ARPP21: variants seen among roughly 807,000 people sequenced by gnomAD.
The protein encoded by ARPP21 is cAMP-regulated phosphoprotein 21.
ARPP21 carries 69 observed loss-of-function variants against 113.2 expected under a neutral mutation model. The observed-to-expected ratio is 0.61, with a 90% CI of 0.50 to 0.74. The LOEUF (loss-of-function observed/expected upper bound fraction) is 0.74, where lower values mean the gene tolerates loss of function less well. Among genes scored for constraint, ARPP21 ranks in the 30% least tolerant of loss-of-function variants. ARPP21 has a pLI of 0.00. For missense variants in ARPP21, 1,070 were observed against 1,037.4 expected (o/e 1.03, Z -0.43); for synonymous variants, 368 against 375.5 (o/e 0.98, Z 0.23).
At chr3:35,789,675 C>T (rs1372073067) in intron 19 of ARPP21, among the ~76,000 whole-genome samples, 1 of 152,280 alleles carries the variant, frequency 6.6e-6, no homozygotes, top group East Asian at 1.9e-4. Context: ...GAAGGAGATG[C>T]TGTGGCAGGG....
At chr3:35,690,411 C>A (rs999989218) in intron 8 of ARPP21, among the ~76,000 whole-genome samples, 1 of 151,404 alleles carries the variant, frequency 6.6e-6, no homozygotes, top group Non-Finnish European at 1.5e-5. Flanking sequence ...CAAGAAGAGA[C>A]CCTTTTCATT....
At chr3:35,785,117 G>A (rs2096602059) in intron 19 of ARPP21, 1 of 152,124 alleles carries the variant, frequency 6.6e-6, no homozygotes, top group South Asian at 2.1e-4. Flanking sequence ...TTTTGACTTT[G>A]CCCCAAGCTT....
chr3:35,677,938 G>T (rs894136182), intron 1 of ARPP21, among the ~76,000 whole-genome samples: 3 of 151,940 alleles, frequency 2.0e-5, no homozygotes, highest in Admixed American at 6.6e-5. Flanking sequence ...GTTCCTCTCT[G>T]CTCATTCCCA....
At chr3:35,666,579 T>C (rs2074416924) in intron 1 of ARPP21, among the ~76,000 whole-genome samples, 1 of 152,178 alleles carries the variant, frequency 6.6e-6, no homozygotes, top group African/African-American at 2.4e-5. Context: ...AGTTTGTCTT[T>C]GACATTAATT....
chr3:35,700,616 C>T (rs1230703915), intron 9 of ARPP21, among the ~76,000 whole-genome samples: 2 of 151,554 alleles, frequency 1.3e-5, no homozygotes, highest in Non-Finnish European at 3.0e-5. Context: ...AATTAGTACC[C>T]TGGAGCTGAA....
intron 19 of ARPP21, among the ~76,000 whole-genome samples, chr3:35,788,515 T>C (rs2096677641): frequency 6.6e-6 from 1 of 152,194 alleles, no homozygotes; most frequent in African/African-American, 2.4e-5. Context: ...TGAAGAAATG[T>C]GCTTGGTATA....
At chr3:35,654,847 G>T (rs972055858) in intron 1 of ARPP21, among the ~76,000 whole-genome samples, 1 of 151,962 alleles carries the variant, frequency 6.6e-6, no homozygotes, top group African/African-American at 2.4e-5. Context: ...ATTTGTCAAA[G>T]GTAGTGACTT....
intron 1 of ARPP21, among the ~76,000 whole-genome samples, chr3:35,657,234 C>T (rs1705411136): frequency 6.6e-6 from 1 of 152,108 alleles, no homozygotes; most frequent in African/African-American, 2.4e-5. Flanking sequence ...TTACCTCCCA[C>T]ATATATGTAC....
intron 1 of ARPP21, among the ~76,000 whole-genome samples, chr3:35,664,382 C>T (rs748922880): frequency 6.6e-6 from 1 of 152,128 alleles, no homozygotes; most frequent in Non-Finnish European, 1.5e-5. Context: ...AGAGCAATTT[C>T]TAGAACAGAA....
At chr3:35,683,070 G>C (rs58305869) in intron 4 of ARPP21, among the ~76,000 whole-genome samples, 181 bp downstream of exon 4, 7,619 of 151,632 alleles carry the variant, frequency 0.05, 631 homozygotes, top group African/African-American at 0.17. Context: ...TTACTTTATG[G>C]CACTGCATAT....
At chr3:35,683,103 T>A (rs1408739052) in intron 4 of ARPP21, among the ~76,000 whole-genome samples, 2 of 151,692 alleles carry the variant, frequency 1.3e-5, no homozygotes, top group Non-Finnish European at 2.9e-5. Context: ...GGATTTAGTG[T>A]TCAAATAGCT....
In ARPP21 at chr3:35,701,791, T is replaced by G. The variant is rs115494646; in HGVS notation, c.687-5183T>G. ...GTAGGAGTGGTTGACATATACTAGATGGCCTTAGAAGCAGGGATCATAATT... is the reference window on the plus strand; with the variant it reads ...GTAGGAGTGGTTGACATATACTAGAGGGCCTTAGAAGCAGGGATCATAATT... On this transcript the variant is annotated intron_variant, in intron 9 of 20. Transcript: ENST00000684406. Among the ~76,000 whole-genome samples, 949 of 150,874 alleles carry G rather than the reference T, an allele frequency of 6.3e-3. 16 individuals carry two copies. The highest frequency in any genetic ancestry group is 0.022 in the African/African-American group (893 of 41,186).
intron 1 of ARPP21, among the ~76,000 whole-genome samples, chr3:35,661,183 G>A (rs1386142039): frequency 6.6e-6 from 1 of 152,102 alleles, no homozygotes; most frequent in Non-Finnish European, 1.5e-5. Flanking sequence ...GAGAGCGAGT[G>A]CTTTACTTTG....
At chr3:35,734,768 C>T (rs530934431) in intron 15 of ARPP21, among the ~76,000 whole-genome samples, 3 of 152,190 alleles carry the variant, frequency 2.0e-5, no homozygotes, top group South Asian at 2.1e-4. Flanking sequence ...CAGCATTTTC[C>T]TCCCCAACCT....
chr3:35,688,670 T>A (rs2081316140), intron 6 of ARPP21, among the ~76,000 whole-genome samples: 1 of 151,638 alleles, frequency 6.6e-6, no homozygotes, highest in Non-Finnish European at 1.5e-5. Flanking sequence ...CAGTTATGTG[T>A]TCTATAACCA....
intron 1 of ARPP21, among the ~76,000 whole-genome samples, chr3:35,664,577 C>T (rs1367573844): frequency 6.6e-6 from 1 of 152,156 alleles, no homozygotes; most frequent in African/African-American, 2.4e-5. Context: ...TGCCTCTATC[C>T]TCAGTGGAAA....
chr3:35,742,395 A>G (rs2094723505), intron 18 of ARPP21, among the ~76,000 whole-genome samples: 1 of 152,196 alleles, frequency 6.6e-6, no homozygotes, highest in Admixed American at 6.5e-5. Flanking sequence ...ATTACTCCAG[A>G]ATTATTTGTT....
At chr3:35,688,748 G>T (rs967764766) in intron 6 of ARPP21, among the ~76,000 whole-genome samples, 1 of 151,616 alleles carries the variant, frequency 6.6e-6, no homozygotes, top group African/African-American at 2.4e-5. Flanking sequence ...TGACAGTAAA[G>T]AAGTTCAGGT....
intron 16 of ARPP21, 92 bp from the exon 17 acceptor site, chr3:35,738,122 C>A: frequency 1.3e-6 from 1 of 790,828 alleles, no homozygotes; most frequent in Non-Finnish European, 2.1e-6. Flanking sequence ...TGCACTGAAC[C>A]TAGAGAGCCT....
Sources: allele counts gnomAD v4.1 joint callset (sites outside exome capture counted in the v4.1 genomes callset), GRCh38; gene constraint gnomAD v4.1.1; transcripts MANE v1.5; gene names NCBI Gene and HGNC (gene_info 2026-07-23, HGNC 2026-07-21).